UNC13B: variants seen among roughly 807,000 people sequenced by gnomAD.
The protein encoded by UNC13B is unc-13 homolog B, also known as protein unc-13 homolog B.
UNC13B carries 144 observed loss-of-function variants against 211.0 expected under a neutral mutation model. The ratio of observed to expected loss-of-function variants is 0.68; its 90% CI spans 0.60 to 0.78. The LOEUF is 0.78. Among genes scored for constraint, UNC13B ranks in the 30% least tolerant of loss-of-function variants. The pLI, the probability that UNC13B is intolerant of heterozygous loss-of-function variation, is 0.00. For synonymous variants in UNC13B, 709 were observed against 725.8 expected (o/e 0.98, Z 0.37); for missense variants, 1,777 against 2,002.0 (o/e 0.89, Z 2.14).
chr9:35,192,956 G>A (rs1822738137), intron 1 of UNC13B, among the ~76,000 whole-genome samples: 1 of 152,146 alleles, frequency 6.6e-6, no homozygotes, highest in African/African-American at 2.4e-5. Flanking sequence ...TTTTCCCTCT[G>A]CGGTTTCTGG....
At chr9:35,208,561 A>G (rs1823791792) in intron 1 of UNC13B, among the ~76,000 whole-genome samples, 1 of 152,248 alleles carries the variant, frequency 6.6e-6, no homozygotes, top group Admixed American at 6.5e-5. Flanking sequence ...ACCTACAATC[A>G]TGGTGGAAGG....
chr9:35,232,629 G>A (rs1048386395), intron 3 of UNC13B, among the ~76,000 whole-genome samples: 6 of 152,158 alleles, frequency 3.9e-5, no homozygotes, highest in African/African-American at 1.4e-4. Flanking sequence ...AAGATGGGTT[G>A]GGTGGTATGC....
rs1835183152 is a variant in UNC13B, at chr9:35,386,265, A to G, written c.11066A>G (p.His3689Arg). 1 of 1,614,150 alleles carries G rather than the reference A, an allele frequency of 6.2e-7. No homozygotes were observed. Among genetic ancestry groups the G allele is most frequent in the Non-Finnish European group, 8.5e-7 (1 of 1,180,012 alleles). Residue 3689 changes from histidine (H) to arginine (R), a missense_variant, in exon 24 of 40, where the codon CAC becomes CGC. By Grantham distance (29) the His-to-Arg change is conservative. Coordinates refer to ENST00000635942, the MANE Select transcript of UNC13B (RefSeq NM_001371189.2). Reference sequence around the variant, plus strand: ...TATGAATATATCTTCAACAACTGCCACGACTTATACAGCCGCCAGTACCAG... The same window carrying G: ...TATGAATATATCTTCAACAACTGCCGCGACTTATACAGCCGCCAGTACCAG... ...STYEYIFNNCHDLYSRQYQLK... is the reference protein window; with the variant it reads ...STYEYIFNNCRDLYSRQYQLK...
At position 35,309,222 on chromosome 9, in the gene UNC13B, AGTGTGTGTGTGTGT is replaced by A. The variant is rs5897599; in HGVS notation, c.9008+839_9008+852del. On this transcript the variant is annotated intron_variant, in intron 9 of 39. Coordinates refer to ENST00000635942, the MANE Select transcript of UNC13B (RefSeq NM_001371189.2). ...TTGTTCAAAGGGGTTGGTCAGGGTC[AGTGTGTGTGTGTGT>A]GTGTGTGTGTGTGTGTGTGTGTGTG... Among the ~76,000 whole-genome samples the A allele has an allele frequency of 5.3e-3, 773 of 145,248 alleles. 4 individuals carry two copies. Among genetic ancestry groups the A allele is most frequent in the African/African-American group, 0.018 (714 of 39,294 alleles).
rs536139855 is a variant in UNC13B at position 35,316,685 on chromosome 9, C to T, written c.9414+2696C>T. Among the ~76,000 whole-genome samples, 16 of 152,164 alleles carry T rather than the reference C, an allele frequency of 1.1e-4. No homozygotes were observed. In the East Asian group the frequency reaches 1.2e-3, roughly 11 times the overall value. On this transcript the variant is annotated intron_variant, in intron 11 of 39. Coordinates refer to ENST00000635942, the MANE Select transcript of UNC13B (RefSeq NM_001371189.2). ...AATATTTCTCACAATTTTGCAAGAA[C>T]GGCTGACTGACATCAGAGAAGAGGA...
intron 22 of UNC13B, chr9:35,385,271 G>A (rs1835115665): frequency 1.0e-6 from 1 of 985,316 alleles, no homozygotes; most frequent in Admixed American, 6.1e-5. Context: ...GAAGAGCTGG[G>A]TTCTATTGTA....
intron 11 of UNC13B, chr9:35,353,107 G>A (rs1832823061): frequency 8.1e-7 from 1 of 1,232,060 alleles, no homozygotes; most frequent in Non-Finnish European, 1.0e-6. Flanking sequence ...GCATGATGGA[G>A]GAAATTATCA....
In UNC13B at chr9:35,304,204, T is replaced by C; in HGVS notation, c.4800T>C (p.Tyr1600=). Residue 1600 remains tyrosine, a synonymous_variant, in exon 9 of 40, where the codon TAT becomes TAC. Coordinates refer to ENST00000635942, the MANE Select transcript of UNC13B (RefSeq NM_001371189.2). ...VLDKEDEIFW[Y]VEEEPIDDPL... ...ATAAGGAAGATGAAATATTTTGGTA[T>C]GTTGAAGAGGAACCAATTGATGACC... 1 of 398,834 alleles carries C rather than the reference T, an allele frequency of 2.5e-6. No homozygotes were observed. The highest frequency in any genetic ancestry group is 4.4e-6 in the Non-Finnish European group (1 of 225,890). The allele number at this position is 398,834 out of a possible 1,614,324, so 24.7% of individuals were successfully genotyped here. A position where few individuals can be genotyped will look rare whatever the true frequency, so the allele number is the denominator to read the frequency against.
At chr9:35,380,441 C>G in intron 17 of UNC13B, 29 bp from the exon 18 acceptor site, 1 of 1,610,754 alleles carries the variant, frequency 6.2e-7, no homozygotes, top group Non-Finnish European at 8.5e-7. Context: ...GGGTCTGCCC[C>G]TAACAGAGCC....
intron 11 of UNC13B, 111 bp downstream of exon 11, chr9:35,314,100 G>A: frequency 2.3e-6 from 2 of 866,642 alleles, no homozygotes; most frequent in South Asian, 2.8e-5. Flanking sequence ...GTGTGCTTCT[G>A]GGAATGCATG....
chr9:35,302,062 T>A lies in UNC13B; in HGVS notation c.2658T>A (p.Pro886=). ...TAAAAGAGAAAGGAAGCATTTTTCC[T>A]TTGTTTAAATTTTCTTTCACTGACA... is the stretch of plus-strand genomic sequence containing the variant. ...QELKEKGSIF[P]LFKFSFTDSK... The change falls in exon 9 of 40, where the codon CCT becomes CCA. Residue 886 remains proline, a synonymous_variant. Transcript: ENST00000635942. 2.5e-6 allele frequency: 1 copy of A among 398,640 alleles called. No individual in the cohort carries two copies. Among genetic ancestry groups the A allele is most frequent in the Non-Finnish European group, 4.4e-6 (1 of 225,770 alleles). 24.7% of individuals were successfully genotyped at this position (398,640 alleles called of 1,614,324 possible).
chr9:35,284,419 A>G (rs1329630921), intron 7 of UNC13B, among the ~76,000 whole-genome samples: 2 of 152,170 alleles, frequency 1.3e-5, no homozygotes, highest in Non-Finnish European at 1.5e-5. Context: ...ATTCATGGAT[A>G]TTTTTCTTTG....
Position 35,389,959 on chromosome 9 carries a change from A to T in UNC13B, c.11208A>T (p.Thr3736=). The stretch of plus-strand genomic sequence containing the variant: ...TAGAGGAAGATAAGAATTCCTACAC[A>T]CCTGTTCTGAACCAGTGAGTATCAC... ...SIIEEDKNSY[T]PVLNQFPQEL... is the part of the protein sequence containing the mutation. The change falls in exon 25 of 40, where the codon ACA becomes ACT. Residue 3736 remains threonine, a synonymous_variant. Coordinates refer to ENST00000635942, the MANE Select transcript of UNC13B (RefSeq NM_001371189.2). 1 of 1,613,908 alleles carries T rather than the reference A, an allele frequency of 6.2e-7. No homozygotes were observed. Among genetic ancestry groups the T allele is most frequent in the Non-Finnish European group, 8.5e-7 (1 of 1,179,940 alleles).
chr9:35,376,414 C>G (rs1235579785), intron 15 of UNC13B, among the ~76,000 whole-genome samples, 167 bp downstream of exon 15: 1 of 152,246 alleles, frequency 6.6e-6, no homozygotes, highest in African/African-American at 2.4e-5. Flanking sequence ...GGGGCATTGC[C>G]TTTCCAAATA....
intron 1 of UNC13B, among the ~76,000 whole-genome samples, chr9:35,202,078 C>T (rs999518654): frequency 6.6e-6 from 1 of 152,106 alleles, no homozygotes; most frequent in African/African-American, 2.4e-5. Flanking sequence ...TTTATTTTTG[C>T]CTTCATTTTG....
At chr9:35,209,279 G>A (rs1433747426) in intron 1 of UNC13B, among the ~76,000 whole-genome samples, 2 of 152,170 alleles carry the variant, frequency 1.3e-5, no homozygotes, top group Non-Finnish European at 2.9e-5. Context: ...GGCCAGGCTA[G>A]TCTTGATCTC....
chr9:35,343,305 C>A (rs552548142), intron 11 of UNC13B, among the ~76,000 whole-genome samples: 1 of 152,198 alleles, frequency 6.6e-6, no homozygotes, highest in African/African-American at 2.4e-5. Flanking sequence ...TCTCTTACTA[C>A]TGTGTGTCCC....
intron 10 of UNC13B, among the ~76,000 whole-genome samples, chr9:35,313,582 G>C (rs1272624890): frequency 6.6e-6 from 1 of 151,250 alleles, no homozygotes; most frequent in African/African-American, 2.4e-5. Flanking sequence ...CCGTGATCAT[G>C]CCACAGCACT....
intron 26 of UNC13B, among the ~76,000 whole-genome samples, chr9:35,394,730 CAG>C (rs1376414170): frequency 1.3e-5 from 2 of 152,136 alleles, no homozygotes; most frequent in Non-Finnish European, 2.9e-5. Context: ...AGGTGGAAGT[CAG>C]GGGCAGGAGG....
Sources: allele counts gnomAD v4.1 joint callset (sites outside exome capture counted in the v4.1 genomes callset), GRCh38; gene constraint gnomAD v4.1.1; transcripts MANE v1.5; gene names NCBI Gene and HGNC (gene_info 2026-07-23, HGNC 2026-07-21).